Variants in NMNAT2 observed in about 807,000 individuals in gnomAD.
NMNAT2 encodes nicotinamide nucleotide adenylyltransferase 2, also known as nicotinamide/nicotinic acid mononucleotide adenylyltransferase 2.
A neutral mutation model predicts 41.6 loss-of-function variants in NMNAT2; 11 were observed. That is an observed-to-expected ratio of 0.26 (90% CI 0.17 to 0.44). The LOEUF is 0.44. NMNAT2 is among the 20% of genes least tolerant of loss of function. The probability of loss-of-function intolerance (pLI) is 1.00; values close to 1 mark genes in which losing one functional copy is unlikely to be tolerated. For missense variants in NMNAT2, 288 were observed against 407.7 expected (o/e 0.71, Z 2.53); for synonymous variants, 148 against 151.2 (o/e 0.98, Z 0.16).
At chr1:183,393,050 G>T (rs758491734) in intron 1 of NMNAT2, among the ~76,000 whole-genome samples, 2 of 152,130 alleles carry the variant, frequency 1.3e-5, no homozygotes, top group African/African-American at 2.4e-5. Context: ...GCACTCAAAT[G>T]GTGGTGGTGT....
chr1:183,310,372 T>C (rs1162083184), intron 1 of NMNAT2, among the ~76,000 whole-genome samples: 1 of 152,144 alleles, frequency 6.6e-6, no homozygotes, highest in Non-Finnish European at 1.5e-5. Flanking sequence ...ACCAGAGTAA[T>C]ATAGCAAACC....
At chr1:183,297,334 A>C (rs1208722964) in intron 1 of NMNAT2, among the ~76,000 whole-genome samples, 2 of 152,106 alleles carry the variant, frequency 1.3e-5, no homozygotes, top group African/African-American at 4.8e-5. Context: ...ATAAAGAACT[A>C]AAACCAAGTC....
rs1286856829 is a variant in NMNAT2 at position 183,310,436 on chromosome 1, T to C, written c.86-16643A>G. Reference sequence around the variant, plus strand: ...ATCATAATTATTCCTCTTTCCTTCATGAGCCTGAGTTTGAGTCAAATGCAT... The same window carrying C: ...ATCATAATTATTCCTCTTTCCTTCACGAGCCTGAGTTTGAGTCAAATGCAT... On this transcript the variant is annotated intron_variant, in intron 1 of 10. Coordinates refer to ENST00000287713, the MANE Select transcript of NMNAT2 (RefSeq NM_015039.4). Among the ~76,000 whole-genome samples the C allele has an allele frequency of 2.6e-5, 4 of 152,228 alleles. No individual in the cohort carries two copies. The East Asian group carries it at 7.7e-4, about 29-fold the overall frequency.
At chr1:183,317,195 C>T (rs1464373705) in intron 1 of NMNAT2, among the ~76,000 whole-genome samples, 3 of 152,198 alleles carry the variant, frequency 2.0e-5, no homozygotes, top group Non-Finnish European at 4.4e-5. Context: ...GCTGGTCAGC[C>T]GTTTTATCCC....
At chr1:183,294,758 C>T (rs1424667595) in intron 1 of NMNAT2, among the ~76,000 whole-genome samples, 1 of 152,066 alleles carries the variant, frequency 6.6e-6, no homozygotes, top group Non-Finnish European at 1.5e-5. Context: ...CCACTGCACT[C>T]CAGCCTGGGT....
chr1:183,280,330 G>T (rs1661227613), intron 7 of NMNAT2, among the ~76,000 whole-genome samples: 1 of 152,154 alleles, frequency 6.6e-6, no homozygotes, highest in African/African-American at 2.4e-5. Flanking sequence ...AGGCACATAG[G>T]CCACATGTGG....
intron 1 of NMNAT2, among the ~76,000 whole-genome samples, chr1:183,297,785 T>C (rs907213603): frequency 1.3e-5 from 2 of 152,232 alleles, no homozygotes; most frequent in Non-Finnish European, 2.9e-5. Flanking sequence ...ATATCCTTTA[T>C]GATTGAATAC....
At chr1:183,412,070 G>T (rs958383707) in intron 1 of NMNAT2, among the ~76,000 whole-genome samples, 1 of 152,196 alleles carries the variant, frequency 6.6e-6, no homozygotes, top group Non-Finnish European at 1.5e-5. Context: ...GGGTGGAGGT[G>T]GGGGGCAGAG....
intron 1 of NMNAT2, among the ~76,000 whole-genome samples, chr1:183,369,263 C>CTTTTTTTTTTTTTTTTTTTT (rs55925461): frequency 1.4e-5 from 2 of 140,092 alleles, no homozygotes; most frequent in Non-Finnish European, 1.5e-5. Context: ...CTTTTCTTTT[C>CTTTTTTTTTTTTTTTTTTTT]TTTTTTTTTT....
At chr1:183,298,006 A>G (rs1305736873) in intron 1 of NMNAT2, among the ~76,000 whole-genome samples, 2 of 152,202 alleles carry the variant, frequency 1.3e-5, no homozygotes, top group Non-Finnish European at 2.9e-5. Context: ...TTCAACATTC[A>G]TTCATGACAA....
At chr1:183,373,997 C>G (rs575958117) in intron 1 of NMNAT2, among the ~76,000 whole-genome samples, 13 of 152,284 alleles carry the variant, frequency 8.5e-5, no homozygotes, top group African/African-American at 2.9e-4. Flanking sequence ...TTGCTAAATA[C>G]ATTTTGTATA....
intron 1 of NMNAT2, among the ~76,000 whole-genome samples, chr1:183,306,132 G>T (rs900278931): frequency 1.1e-4 from 16 of 151,572 alleles, no homozygotes; most frequent in African/African-American, 3.9e-4. Flanking sequence ...GTTTGCAGGG[G>T]ACTTTCTTGG....
At chr1:183,384,411 G>A (rs2101917578) in intron 1 of NMNAT2, among the ~76,000 whole-genome samples, 1 of 152,258 alleles carries the variant, frequency 6.6e-6, no homozygotes, top group South Asian at 2.1e-4. Context: ...TGTTGGCCAT[G>A]CTCGTCTCAA....
At chr1:183,290,332 A>G (rs1360096579) in intron 3 of NMNAT2, 126 bp from the exon 4 acceptor site, 5 of 690,696 alleles carry the variant, frequency 7.2e-6, no homozygotes, top group Non-Finnish European at 1.2e-5. Context: ...TAGATCTTGA[A>G]TCAGATAAAA....
intron 1 of NMNAT2, among the ~76,000 whole-genome samples, chr1:183,299,331 G>A (rs10797871): frequency 0.3 from 46,066 of 151,668 alleles, 8,012 homozygotes; most frequent in Middle Eastern, 0.4. Context: ...AGCCAAGATG[G>A]CGCCACTGCA....
At chr1:183,331,401 C>A (rs575627636) in intron 1 of NMNAT2, among the ~76,000 whole-genome samples, 9 of 152,068 alleles carry the variant, frequency 5.9e-5, no homozygotes, top group African/African-American at 2.2e-4. Flanking sequence ...CTGGAGGGTG[C>A]GGCACTGCAT....
At chr1:183,373,698 A>G (rs1356337428) in intron 1 of NMNAT2, among the ~76,000 whole-genome samples, 2 of 151,230 alleles carry the variant, frequency 1.3e-5, no homozygotes, top group African/African-American at 4.9e-5. Flanking sequence ...GCTCACTGCA[A>G]CCTCCGCCTC....
Position 183,418,345 on chromosome 1 carries a change from G to C in NMNAT2, c.-78C>G, listed in dbSNP as rs1649311931. ...TCGTTGTGTCTGCAGAGGGAGAAAG[G>C]AAGGCGAGGCTCCGGCGGTGGATGC... On this transcript the variant is annotated 5_prime_UTR_variant, in exon 1 of 11. Transcript: ENST00000287713. The C allele has an allele frequency of 7.1e-7, 1 of 1,409,652 alleles. No individual in the cohort carries two copies. Among genetic ancestry groups the C allele is most frequent in the Non-Finnish European group, 1.0e-6 (1 of 996,396 alleles). The allele number at this position is 1,409,652 out of a possible 1,614,324, so 87.3% of individuals were successfully genotyped here. A position where few individuals can be genotyped will look rare whatever the true frequency, so the allele number is the denominator to read the frequency against.
chr1:183,316,804 TA>T (rs1482289422), intron 1 of NMNAT2, among the ~76,000 whole-genome samples: 1 of 152,242 alleles, frequency 6.6e-6, no homozygotes, highest in African/African-American at 2.4e-5. Context: ...TATTATTCAC[TA>T]GGTAAAATGT....
Sources: gnomAD v4.1 joint callset for allele counts (sites outside exome capture counted in the v4.1 genomes callset) on GRCh38, gnomAD v4.1.1 for gene constraint, MANE v1.5 for transcripts, NCBI Gene and HGNC (gene_info 2026-07-23, HGNC 2026-07-21) for gene names.